Variants in ATP8A2 observed in about 807,000 individuals in gnomAD.
The protein encoded by ATP8A2 is ATPase phospholipid transporting 8A2.
ATP8A2 carries 100 observed loss-of-function variants against 165.6 expected under a neutral mutation model. The observed-to-expected ratio is 0.60, with a 90% CI of 0.51 to 0.71. ATP8A2 has a LOEUF of 0.71. ATP8A2 is among the 30% of genes least tolerant of loss of function. ATP8A2 has a pLI of 0.00. For missense variants in ATP8A2, 1,227 were observed against 1,479.5 expected (o/e 0.83, Z 2.80); for synonymous variants, 543 against 548.8 (o/e 0.99, Z 0.15).
At chr13:26,004,650 T>C (rs1956705177) in intron 35 of ATP8A2, among the ~76,000 whole-genome samples, 1 of 152,126 alleles carries the variant, frequency 6.6e-6, no homozygotes, top group South Asian at 2.1e-4. Context: ...GGGTTTGTCA[T>C]ATATCCTTTA....
chr13:25,741,955 G>A (rs1019563681), intron 25 of ATP8A2, among the ~76,000 whole-genome samples: 1 of 152,180 alleles, frequency 6.6e-6, no homozygotes, highest in African/African-American at 2.4e-5. Context: ...AATGTTCATT[G>A]ATGAAAATTC....
chr13:25,476,634 A>G (rs2036003540), intron 2 of ATP8A2, among the ~76,000 whole-genome samples: 1 of 152,154 alleles, frequency 6.6e-6, no homozygotes, highest in African/African-American at 2.4e-5. Context: ...TATCTTAAAA[A>G]CCAAGGTTAT....
intron 2 of ATP8A2, among the ~76,000 whole-genome samples, chr13:25,489,304 C>T (rs1397386536): frequency 6.6e-6 from 1 of 152,182 alleles, no homozygotes; most frequent in Non-Finnish European, 1.5e-5. Context: ...AATCACGGCA[C>T]TTTCCCTGGA....
intron 13 of ATP8A2, among the ~76,000 whole-genome samples, chr13:25,558,368 G>C (rs1246703493): frequency 6.6e-6 from 1 of 152,118 alleles, no homozygotes; most frequent in Non-Finnish European, 1.5e-5. Context: ...TGTAGATGTA[G>C]TATTTGACTT....
intron 2 of ATP8A2, among the ~76,000 whole-genome samples, chr13:25,492,203 C>T (rs1485569611): frequency 3.3e-5 from 5 of 152,030 alleles, no homozygotes; most frequent in Non-Finnish European, 5.9e-5. Flanking sequence ...TTTACCGGCA[C>T]CTGCCACCAT....
At chr13:25,837,323 A>C (rs1300402107) in intron 29 of ATP8A2, 38 bp downstream of exon 29, 7 of 1,608,622 alleles carry the variant, frequency 4.4e-6, no homozygotes, top group Non-Finnish European at 6.0e-6. Flanking sequence ...CACCTCAGAA[A>C]GGCGTGGCTG....
At chr13:25,421,097 C>T (rs977878254) in intron 1 of ATP8A2, among the ~76,000 whole-genome samples, 2 of 152,206 alleles carry the variant, frequency 1.3e-5, no homozygotes, top group Non-Finnish European at 2.9e-5. Flanking sequence ...CAACAGAGAG[C>T]TCACATTCTT....
intron 2 of ATP8A2, among the ~76,000 whole-genome samples, chr13:25,470,977 G>A (rs1022217324): frequency 6.6e-6 from 1 of 152,122 alleles, no homozygotes; most frequent in South Asian, 2.1e-4. Flanking sequence ...AAGGTTGGGG[G>A]GAAATGGGGA....
intron 24 of ATP8A2, among the ~76,000 whole-genome samples, chr13:25,659,044 T>C (rs1334292297): frequency 1.3e-5 from 2 of 151,994 alleles, no homozygotes; most frequent in African/African-American, 2.4e-5. Context: ...GAAAGGAAGG[T>C]TGATGGTAAA....
intron 1 of ATP8A2, among the ~76,000 whole-genome samples, chr13:25,385,272 T>TA (rs1453761117): frequency 6.6e-6 from 1 of 152,238 alleles, no homozygotes; most frequent in Non-Finnish European, 1.5e-5. Context: ...TTCAGCCCTT[T>TA]GTTTAGGCAA....
chr13:25,624,945 A>G (rs938252493), intron 24 of ATP8A2, among the ~76,000 whole-genome samples: 7 of 152,344 alleles, frequency 4.6e-5, no homozygotes, highest in East Asian at 1.9e-4. Context: ...AGTTTTTTAC[A>G]TAGGAATTAT....
chr13:25,749,121 G>T (rs217868), intron 25 of ATP8A2, among the ~76,000 whole-genome samples: 1,986 of 152,258 alleles, frequency 0.013, 53 homozygotes, highest in African/African-American at 0.046. Flanking sequence ...TCTGTCTTCC[G>T]TGAAATAAAA....
intron 4 of ATP8A2, among the ~76,000 whole-genome samples, chr13:25,531,707 TC>T: frequency 6.6e-6 from 1 of 152,170 alleles, no homozygotes; most frequent in Non-Finnish European, 1.5e-5. Context: ...ACACCTGACC[TC>T]GTGTGATGGC....
chr13:25,933,311 G>A (rs557332672), intron 33 of ATP8A2, among the ~76,000 whole-genome samples: 13 of 152,240 alleles, frequency 8.5e-5, no homozygotes, highest in African/African-American at 3.1e-4. Flanking sequence ...TGATGGTTTT[G>A]GCTATGCAGG....
At chr13:25,868,905 T>A (rs965319542) in intron 33 of ATP8A2, among the ~76,000 whole-genome samples, 1 of 151,816 alleles carries the variant, frequency 6.6e-6, no homozygotes, top group Admixed American at 6.6e-5. Context: ...CCGTCTCTAC[T>A]AAAAATAGAA....
At chr13:25,965,793 C>G (rs1046808525) in intron 34 of ATP8A2, among the ~76,000 whole-genome samples, 1 of 152,118 alleles carries the variant, frequency 6.6e-6, no homozygotes, top group Non-Finnish European at 1.5e-5. Flanking sequence ...ATACAGTCCC[C>G]GATTCCAGAA....
chr13:25,620,239 G>A (rs76164735), intron 24 of ATP8A2, among the ~76,000 whole-genome samples: 5,817 of 152,248 alleles, frequency 0.038, 135 homozygotes, highest in Non-Finnish European at 0.052. Flanking sequence ...AGTAGGGGAT[G>A]GGTACAGCAT....
rs540430989 is a variant in ATP8A2 at position 25,693,163 on chromosome 13, T to C, written c.2212-6010T>C. Among the ~76,000 whole-genome samples the C allele has an allele frequency of 2.9e-4, 44 of 152,320 alleles. No homozygotes were observed. In the South Asian group the frequency reaches 8.3e-3, roughly 29 times the overall value. Reference sequence around the variant, plus strand: ...ATTAACTGGCCCTGGGATCCAACCATAATTTGTAACATCGTTCCTCTGGGA... The same window carrying C: ...ATTAACTGGCCCTGGGATCCAACCACAATTTGTAACATCGTTCCTCTGGGA... On this transcript the variant is annotated intron_variant, in intron 24 of 36. Coordinates refer to ENST00000381655, the MANE Select transcript of ATP8A2 (RefSeq NM_016529.6).
At chr13:25,927,365 T>C (rs1000636539) in intron 33 of ATP8A2, 4 of 356,174 alleles carry the variant, frequency 1.1e-5, no homozygotes, top group Admixed American at 1.0e-4. Context: ...GGTTTGACTT[T>C]TGGGGGCCCC....
Sources: allele counts gnomAD v4.1 joint callset (sites outside exome capture counted in the v4.1 genomes callset), GRCh38; gene constraint gnomAD v4.1.1; transcripts MANE v1.5; gene names NCBI Gene and HGNC (gene_info 2026-07-23, HGNC 2026-07-21).